SGCD: variants seen among roughly 807,000 people sequenced by gnomAD.
SGCD encodes sarcoglycan delta.
In SGCD, 18 loss-of-function variants were observed where a neutral mutation model predicts 36.6. The observed-to-expected ratio is 0.49, with a 90% CI of 0.34 to 0.73. The LOEUF (loss-of-function observed/expected upper bound fraction) is 0.73, where lower values mean the gene tolerates loss of function less well. Among genes scored for constraint, SGCD ranks in the 30% least tolerant of loss-of-function variants. The pLI is 0.01. For missense variants in SGCD, 387 were observed against 346.7 expected (o/e 1.12, Z -0.92); for synonymous variants, 133 against 130.6 (o/e 1.02, Z -0.12).
At chr5:156,244,397 T>A (rs1237983150) in intron 3 of SGCD, among the ~76,000 whole-genome samples, 1 of 152,214 alleles carries the variant, frequency 6.6e-6, no homozygotes, top group Non-Finnish European at 1.5e-5. Flanking sequence ...GGTAGCAACA[T>A]CATATTCATA....
At chr5:156,135,917 T>G (rs1762445687) in intron 3 of SGCD, among the ~76,000 whole-genome samples, 1 of 152,172 alleles carries the variant, frequency 6.6e-6, no homozygotes, top group African/African-American at 2.4e-5. Flanking sequence ...TGGTGTTGCC[T>G]TATCTACAAA....
At chr5:155,802,643 T>G in the SGCD span, among the ~76,000 whole-genome samples, 1 of 152,220 alleles carries the variant, frequency 6.6e-6, no homozygotes, top group Non-Finnish European at 1.5e-5. Context: ...TCTGCATATG[T>G]TTTTAGCAGC....
At chr5:156,649,187 C>T (rs1484326170) in intron 7 of SGCD, among the ~76,000 whole-genome samples, 3 of 152,030 alleles carry the variant, frequency 2.0e-5, no homozygotes, top group East Asian at 1.9e-4. Context: ...GTTAGAGTGG[C>T]GATCATTAAA....
the SGCD span, among the ~76,000 whole-genome samples, chr5:155,729,463 TG>T: frequency 6.6e-6 from 1 of 152,286 alleles, no homozygotes; most frequent in South Asian, 2.1e-4. Context: ...GAGACATGGG[TG>T]GGGGCACCAG....
chr5:155,735,750 C>A, the SGCD span, among the ~76,000 whole-genome samples: 1 of 152,198 alleles, frequency 6.6e-6, no homozygotes, highest in Admixed American at 6.5e-5. Context: ...ACTGATCGGG[C>A]AAACTCCTAT....
intron 3 of SGCD, among the ~76,000 whole-genome samples, chr5:156,164,870 C>A (rs1339798233): frequency 6.6e-6 from 1 of 152,212 alleles, no homozygotes; most frequent in African/African-American, 2.4e-5. Context: ...ACATGAGGAA[C>A]TGTCTTCATA....
intron 7 of SGCD, among the ~76,000 whole-genome samples, chr5:156,692,166 T>G (rs1434726546): frequency 6.6e-6 from 1 of 152,174 alleles, no homozygotes; most frequent in Non-Finnish European, 1.5e-5. Flanking sequence ...ATCTCAAGAC[T>G]CTACAAAGTA....
At chr5:155,811,152 G>A in the SGCD span, among the ~76,000 whole-genome samples, 1 of 152,066 alleles carries the variant, frequency 6.6e-6, no homozygotes, top group Non-Finnish European at 1.5e-5. Context: ...TCCATTCAGC[G>A]CTAGATTGCA....
intron 1 of SGCD, among the ~76,000 whole-genome samples, chr5:155,907,105 T>C (rs1756533458): frequency 6.8e-6 from 1 of 147,252 alleles, no homozygotes; most frequent in Non-Finnish European, 1.5e-5. Context: ...ATGCAAAATC[T>C]ACTCTGCCTG....
intron 3 of SGCD, among the ~76,000 whole-genome samples, chr5:156,413,124 G>A (rs1363125676): frequency 6.6e-6 from 1 of 152,076 alleles, no homozygotes; most frequent in Admixed American, 6.5e-5. Flanking sequence ...TCTCATCGAG[G>A]ACACAGCCTT....
intron 7 of SGCD, among the ~76,000 whole-genome samples, chr5:156,703,434 TCCTACCA>T (rs2113734739): frequency 6.6e-6 from 1 of 152,042 alleles, no homozygotes; most frequent in South Asian, 2.1e-4. Context: ...GGAATTTCCT[TCCTACCA>T]CACGTTTATC....
chr5:156,062,197 C>A lies in SGCD; in HGVS notation c.-281-55681C>A, dbSNP rs1247114564. ...AATATGCGGTGTTTGGTTTTTTGTT[C>A]TTGCGATAGTTTACTGAGAATGATG... is the stretch of plus-strand genomic sequence containing the variant. On this transcript the variant is annotated intron_variant, in intron 1 of 9. Coordinates refer to the SGCD transcript ENST00000517913. Among the ~76,000 whole-genome samples the A allele has an allele frequency of 4.4e-4, 35 of 79,884 alleles. 2 individuals carry two copies. The highest frequency in any genetic ancestry group is 1.1e-4 in the Non-Finnish European group (5 of 46,986). 52.4% of individuals were successfully genotyped at this position (79,884 alleles called of 152,430 possible).
At chr5:156,516,938 C>T (rs1757202713) in intron 4 of SGCD, among the ~76,000 whole-genome samples, 2 of 152,300 alleles carry the variant, frequency 1.3e-5, no homozygotes, top group African/African-American at 2.4e-5. Context: ...GTGGAGGTTG[C>T]AGTCAGCCGA....
At chr5:156,105,741 A>G (rs1486648374) in intron 1 of SGCD, among the ~76,000 whole-genome samples, 2 of 152,284 alleles carry the variant, frequency 1.3e-5, no homozygotes, top group African/African-American at 4.8e-5. Context: ...AATTTAGGAC[A>G]GTGTGAAGAC....
intron 4 of SGCD, among the ~76,000 whole-genome samples, chr5:156,524,276 A>T (rs981656331): frequency 8.9e-6 from 1 of 112,430 alleles, no homozygotes; most frequent in Non-Finnish European, 1.9e-5. Context: ...TATATATAGT[A>T]ATATATATAG....
chr5:156,749,154 A>AAAAT (rs1325762795), intron 7 of SGCD, among the ~76,000 whole-genome samples: 1 of 152,182 alleles, frequency 6.6e-6, no homozygotes, highest in East Asian at 1.9e-4. Context: ...TCAAAATTTA[A>AAAAT]AAATACTAGA....
intron 6 of SGCD, among the ~76,000 whole-genome samples, chr5:156,630,025 C>G (rs1762575700): frequency 6.6e-6 from 1 of 151,982 alleles, no homozygotes; most frequent in Non-Finnish European, 1.5e-5. Flanking sequence ...CCATGCCCAG[C>G]TAATTTTCTG....
chr5:156,461,167 C>T (rs1358675347), intron 3 of SGCD, among the ~76,000 whole-genome samples: 2 of 152,026 alleles, frequency 1.3e-5, no homozygotes, highest in African/African-American at 4.8e-5. Context: ...GCAACTCTTC[C>T]CCTTTGTAAT....
chr5:156,569,307 A>G (rs1581182565), intron 4 of SGCD, among the ~76,000 whole-genome samples: 1 of 152,206 alleles, frequency 6.6e-6, no homozygotes, highest in Non-Finnish European at 1.5e-5. Flanking sequence ...AAAATAGACA[A>G]TCAGCCGGGC....
Sources: gnomAD v4.1 joint callset for allele counts (sites outside exome capture counted in the v4.1 genomes callset) on GRCh38, gnomAD v4.1.1 for gene constraint, MANE v1.5 for transcripts, NCBI Gene and HGNC (gene_info 2026-07-23, HGNC 2026-07-21) for gene names.